Variants in ST6GALNAC3 observed in about 807,000 individuals in gnomAD.
ST6GALNAC3 encodes alpha-N-acetylgalactosaminide alpha-2,6-sialyltransferase 3.
Under a neutral mutation model 32.7 loss-of-function variants are expected in ST6GALNAC3, and 25 were observed. The ratio of observed to expected loss-of-function variants is 0.76; its 90% confidence interval spans 0.56 to 1.07. ST6GALNAC3 has a LOEUF of 1.07. Among genes scored for constraint, ST6GALNAC3 ranks in the 50% least tolerant of loss-of-function variants. The pLI is 0.00. For missense variants in ST6GALNAC3, 355 were observed against 382.4 expected (o/e 0.93, Z 0.60); for synonymous variants, 129 against 133.1 (o/e 0.97, Z 0.21).
At chr1:76,426,310 T>G (rs768369991) in intron 3 of ST6GALNAC3, among the ~76,000 whole-genome samples, 68 of 151,900 alleles carry the variant, frequency 4.5e-4, no homozygotes, top group Non-Finnish European at 9.0e-4. Context: ...CTGACACACA[T>G]AGGTGACACT....
chr1:76,267,015 A>G (rs1658569426), intron 1 of ST6GALNAC3, among the ~76,000 whole-genome samples: 1 of 152,230 alleles, frequency 6.6e-6, no homozygotes, highest in Non-Finnish European at 1.5e-5. Flanking sequence ...AGGCAATGCC[A>G]ATGTGAAGTC....
chr1:76,145,529 A>C (rs573781262), intron 1 of ST6GALNAC3, among the ~76,000 whole-genome samples: 5 of 152,312 alleles, frequency 3.3e-5, no homozygotes, highest in African/African-American at 9.6e-5. Context: ...GAGAAGCACC[A>C]GCCTGTTGAA....
chr1:76,079,708 C>T (rs1031102853), intron 1 of ST6GALNAC3, among the ~76,000 whole-genome samples: 1 of 152,202 alleles, frequency 6.6e-6, no homozygotes, highest in African/African-American at 2.4e-5. Context: ...AACTTGGCGT[C>T]TTCTCATTTC....
At chr1:76,527,876 G>A (rs777269549) in intron 3 of ST6GALNAC3, among the ~76,000 whole-genome samples, 255 of 152,162 alleles carry the variant, frequency 1.7e-3, no homozygotes, top group Non-Finnish European at 3.3e-3. Context: ...GTCTCCAAAA[G>A]AAGAAAGAGG....
At chr1:76,341,660 T>TC in intron 2 of ST6GALNAC3, among the ~76,000 whole-genome samples, 1 of 147,314 alleles carries the variant, frequency 6.8e-6, no homozygotes, top group African/African-American at 2.6e-5. Context: ...TTTCTTTCTT[T>TC]CTTTCTTTCT....
Position 76,116,885 on chromosome 1 carries a change from T to C in ST6GALNAC3, c.18+42001T>C, listed in dbSNP as rs796514970. On this transcript the variant is annotated intron_variant, in intron 1 of 4. Coordinates refer to ENST00000328299, the MANE Select transcript of ST6GALNAC3 (RefSeq NM_152996.4). ...TGGAGGTTGCAGTGAGCCAAGATCT[T>C]GCCACTGCACTCCAGCCTGGGTGGC... 7.9e-5 allele frequency among the ~76,000 whole-genome samples: 12 copies of C among 152,222 alleles called. 1 individual carries two copies. Among genetic ancestry groups the C allele is most frequent in the African/African-American group, 2.9e-4 (12 of 41,532 alleles).
At chr1:76,296,830 A>G (rs2100835116) in intron 1 of ST6GALNAC3, among the ~76,000 whole-genome samples, 1 of 152,144 alleles carries the variant, frequency 6.6e-6, no homozygotes, top group East Asian at 1.9e-4. Context: ...TTCTGCTGCC[A>G]TCAACTTTAT....
chr1:76,550,678 C>A (rs1664565518), intron 3 of ST6GALNAC3, among the ~76,000 whole-genome samples: 1 of 152,120 alleles, frequency 6.6e-6, no homozygotes, highest in South Asian at 2.1e-4. Context: ...GTACCAGTTT[C>A]TTTTTTATCT....
At chr1:76,456,488 C>T (rs914383771) in intron 3 of ST6GALNAC3, among the ~76,000 whole-genome samples, 1 of 151,988 alleles carries the variant, frequency 6.6e-6, no homozygotes, top group Non-Finnish European at 1.5e-5. Context: ...GGATAAGAAG[C>T]ATGTTTCACC....
intron 3 of ST6GALNAC3, among the ~76,000 whole-genome samples, chr1:76,527,999 CT>C (rs1158951953): frequency 6.6e-6 from 1 of 152,106 alleles, no homozygotes; most frequent in Non-Finnish European, 1.5e-5. Flanking sequence ...AATATTTGAC[CT>C]TTTGAGTGAC....
At chr1:76,613,350 A>G (rs560771051) in intron 3 of ST6GALNAC3, among the ~76,000 whole-genome samples, 366 of 152,124 alleles carry the variant, frequency 2.4e-3, no homozygotes, top group Non-Finnish European at 4.6e-3. Flanking sequence ...CCTGTGGCAT[A>G]CTGTGTATGG....
intron 3 of ST6GALNAC3, among the ~76,000 whole-genome samples, chr1:76,437,502 A>G (rs958792784): frequency 2.6e-5 from 4 of 151,828 alleles, no homozygotes; most frequent in East Asian, 1.9e-4. Flanking sequence ...TTGGTGCCCA[A>G]TGAAGTCTTT....
At position 76,630,284 on chromosome 1, in the gene ST6GALNAC3, C is replaced by T; in HGVS notation, c.*1478C>T. The T allele has an allele frequency of 1.0e-6, 1 of 984,984 alleles. No homozygotes were observed. Among genetic ancestry groups the T allele is most frequent in the Non-Finnish European group, 1.2e-6 (1 of 829,790 alleles). 61.0% of individuals were successfully genotyped at this position (984,984 alleles called of 1,614,324 possible). A position where few individuals can be genotyped will look rare whatever the true frequency, so the allele number is the denominator to read the frequency against. On this transcript the variant is annotated 3_prime_UTR_variant, in exon 5 of 5. Coordinates refer to ENST00000328299, the MANE Select transcript of ST6GALNAC3 (RefSeq NM_152996.4). ...ATGGTCTTGGCCATATGCTAGGGCC[C>T]CTGTGAAAATAAGTAGTTTTGAGAA...
intron 3 of ST6GALNAC3, among the ~76,000 whole-genome samples, chr1:76,485,673 G>T (rs191869718): frequency 6.6e-6 from 1 of 152,034 alleles, no homozygotes. Flanking sequence ...CAAAAAACTA[G>T]CTCCTGGATT....
intron 1 of ST6GALNAC3, among the ~76,000 whole-genome samples, chr1:76,088,357 G>A (rs1646992127): frequency 6.6e-6 from 1 of 152,176 alleles, no homozygotes; most frequent in Admixed American, 6.5e-5. Context: ...CTACTTAAAA[G>A]GAGCTTGCGG....
In ST6GALNAC3 at chr1:76,351,092, A is replaced by G. The variant is rs1648939216; in HGVS notation, c.213+37093A>G. ...TTCACTGAGAGATTAATTTACTAGA[A>G]TTTCTTTTGAGTGTGCGTGTCTCCA... On this transcript the variant is annotated intron_variant, in intron 2 of 4. Coordinates refer to ENST00000328299, the MANE Select transcript of ST6GALNAC3 (RefSeq NM_152996.4). Among the ~76,000 whole-genome samples the G allele has an allele frequency of 2.0e-5, 3 of 152,232 alleles. No homozygotes were observed. In the South Asian group the frequency reaches 6.2e-4, roughly 32 times the overall value.
At chr1:76,599,333 A>G (rs1259130612) in intron 3 of ST6GALNAC3, among the ~76,000 whole-genome samples, 3 of 152,108 alleles carry the variant, frequency 2.0e-5, no homozygotes, top group Non-Finnish European at 4.4e-5. Context: ...CAGAACGTGC[A>G]GGTTTGTTAC....
At chr1:76,202,313 C>T (rs72675910) in intron 1 of ST6GALNAC3, among the ~76,000 whole-genome samples, 12,637 of 145,414 alleles carry the variant, frequency 0.087, 591 homozygotes, top group African/African-American at 0.13. Context: ...TATGTACATA[C>T]ACACATATAC....
intron 2 of ST6GALNAC3, among the ~76,000 whole-genome samples, chr1:76,363,666 GA>G (rs911973270): frequency 2.0e-5 from 3 of 152,170 alleles, no homozygotes; most frequent in African/African-American, 7.2e-5. Flanking sequence ...AATTTATAAA[GA>G]AAATAGGTTT....
Sources: allele counts gnomAD v4.1 joint callset (sites outside exome capture counted in the v4.1 genomes callset), GRCh38; gene constraint gnomAD v4.1.1; transcripts MANE v1.5; gene names NCBI Gene and HGNC (gene_info 2026-07-23, HGNC 2026-07-21).